The following COL4A5 variants were observed in gnomAD, a reference collection of about 807,000 sequenced individuals.
COL4A5 encodes the protein collagen alpha-5(IV) chain.
Under a neutral mutation model 130.2 loss-of-function variants are expected in COL4A5, and 26 were observed. The ratio of observed to expected loss-of-function variants is 0.20; its 90% CI spans 0.15 to 0.28. The LOEUF is 0.28. Among genes scored for constraint, COL4A5 ranks in the 10% least tolerant of loss-of-function variants. The pLI is 1.00. For missense variants in COL4A5, 1,131 were observed against 1,344.3 expected, an observed-to-expected ratio of 0.84 and a Z score of 2.48; for synonymous variants, 496 against 439.6, an observed-to-expected ratio of 1.13 and a Z score of -1.60.
At chrX:108,502,615 G>A (rs1029938439) in intron 1 of COL4A5, among the ~76,000 whole-genome samples, 2 of 111,807 alleles carry the variant, frequency 1.8e-5, no homozygotes, top group Admixed American at 9.5e-5. Flanking sequence ...TGTGTAGTCC[G>A]TTGCCTGAAA....
chrX:108,673,931 G>C (rs2068254769), intron 42 of COL4A5, among the ~76,000 whole-genome samples: 1 of 108,018 alleles, frequency 9.3e-6, no homozygotes, highest in Non-Finnish European at 1.9e-5. Context: ...AATCACAGCT[G>C]CTCGGGAGGC....
intron 27 of COL4A5, among the ~76,000 whole-genome samples, chrX:108,602,549 G>A (rs1396862417): frequency 1.8e-5 from 2 of 111,969 alleles, no homozygotes; most frequent in South Asian, 3.7e-4. Flanking sequence ...AAAAGTATCA[G>A]GTTTGATTTT....
At chrX:108,660,793 C>T (rs1218862395) in intron 37 of COL4A5, among the ~76,000 whole-genome samples, 1 of 111,257 alleles carries the variant, frequency 9.0e-6, no homozygotes, top group Non-Finnish European at 1.9e-5. Context: ...TGGAAAATCT[C>T]AGCTATCTTT....
chrX:108,543,429 A>G lies in COL4A5; in HGVS notation c.141+3624A>G, dbSNP rs915919041. Among the ~76,000 whole-genome samples the G allele has an allele frequency of 5.4e-5, 6 of 111,112 alleles. No individual in the cohort carries two copies. The East Asian group carries it at 1.1e-3, about 21-fold the overall frequency. ...GATCAGAAAGTTGTAGATGTGTGGTATTATTTCTGAGGGCTCTGCTGTGTT... is the reference window on the plus strand; with the variant it reads ...GATCAGAAAGTTGTAGATGTGTGGTGTTATTTCTGAGGGCTCTGCTGTGTT... On this transcript the variant is annotated intron_variant, in intron 2 of 52. Coordinates refer to ENST00000328300, the MANE Select transcript of COL4A5 (RefSeq NM_033380.3).
At chrX:108,643,907 G>A (rs1180880388) in intron 36 of COL4A5, among the ~76,000 whole-genome samples, 1 of 112,100 alleles carries the variant, frequency 8.9e-6, no homozygotes, top group African/African-American at 3.2e-5. Context: ...AACATTGAGT[G>A]TAAATGGCCT....
At chrX:108,498,530 T>C (rs1427997146) in intron 1 of COL4A5, among the ~76,000 whole-genome samples, 6 of 111,836 alleles carry the variant, frequency 5.4e-5, no homozygotes, top group Non-Finnish European at 9.4e-5. Context: ...TTTACAACAA[T>C]ATCTCTGATG....
At chrX:108,511,111 G>A (rs950621163) in intron 1 of COL4A5, among the ~76,000 whole-genome samples, 3 of 111,321 alleles carry the variant, frequency 2.7e-5, no homozygotes, top group Admixed American at 1.9e-4. Context: ...TTTTAATATT[G>A]TGTCACTACA....
intron 21 of COL4A5, among the ~76,000 whole-genome samples, chrX:108,592,123 T>G (rs771307363): frequency 4.5e-5 from 5 of 111,720 alleles, no homozygotes; most frequent in Non-Finnish European, 9.4e-5. Flanking sequence ...CCTCCCCTAT[T>G]CTTACCTTGC....
intron 29 of COL4A5, among the ~76,000 whole-genome samples, chrX:108,614,214 G>T (rs1055221097): frequency 5.4e-5 from 6 of 112,078 alleles, no homozygotes; most frequent in Non-Finnish European, 1.1e-4. Context: ...TTCTGGGAAA[G>T]AAAAATCTGT....
At chrX:108,502,256 ATAGTT>A (rs1314184011) in intron 1 of COL4A5, among the ~76,000 whole-genome samples, 1 of 105,064 alleles carries the variant, frequency 9.5e-6, no homozygotes, top group African/African-American at 3.9e-5. Context: ...CTGGAAGGTA[ATAGTT>A]TTGTTTTGTT....
chrX:108,606,975 C>T, intron 29 of COL4A5, 83 bp downstream of exon 29: 3 of 992,904 alleles, frequency 3.0e-6, no homozygotes, highest in Admixed American at 4.4e-5. Context: ...GGGTGATAAG[C>T]CCAATTAACT....
chrX:108,460,656 ATTTTTTTTTTTTT>A (rs751991149), intron 1 of COL4A5, among the ~76,000 whole-genome samples: 1 of 39,446 alleles, frequency 2.5e-5, no homozygotes, highest in Non-Finnish European at 4.5e-5. Context: ...CGCCTGGCAA[ATTTTTTTTTTTTT>A]TTTTTTTTTT....
intron 36 of COL4A5, among the ~76,000 whole-genome samples, chrX:108,650,653 T>G (rs2067706102): frequency 9.0e-6 from 1 of 111,089 alleles, no homozygotes; most frequent in Non-Finnish European, 1.9e-5. Flanking sequence ...TGGAGACTAT[T>G]ATTCTAAGTG....
chrX:108,476,441 T>C (rs1423806554), intron 1 of COL4A5, among the ~76,000 whole-genome samples: 1 of 109,635 alleles, frequency 9.1e-6, no homozygotes, highest in Non-Finnish European at 1.9e-5. Flanking sequence ...CTCTTAGTTA[T>C]TTTATATGTA....
chrX:108,670,834 G>T (rs2068188940), intron 42 of COL4A5: 1 of 238,552 alleles, frequency 4.2e-6, no homozygotes, highest in Non-Finnish European at 7.9e-6. Context: ...CTGAGATCAG[G>T]AGTTCAAGAC....
At chrX:108,607,570 A>C (rs1356359980) in intron 29 of COL4A5, among the ~76,000 whole-genome samples, 1 of 88,766 alleles carries the variant, frequency 1.1e-5, no homozygotes, top group Non-Finnish European at 2.1e-5. Flanking sequence ...TGCAACCTCC[A>C]CCTCCCAGGT....
At chrX:108,547,823 C>T (rs1044943783) in intron 2 of COL4A5, among the ~76,000 whole-genome samples, 8 of 111,904 alleles carry the variant, frequency 7.1e-5, no homozygotes, top group African/African-American at 2.6e-4. Flanking sequence ...CGCCCCTCCC[C>T]CAGCCTTGCT....
intron 1 of COL4A5, among the ~76,000 whole-genome samples, chrX:108,535,574 G>GT (rs778567203): frequency 9.3e-4 from 103 of 110,223 alleles, no homozygotes; most frequent in African/African-American, 2.9e-3. Context: ...TTTTTTAAGG[G>GT]TTTTTTTTCC....
intron 2 of COL4A5, among the ~76,000 whole-genome samples, chrX:108,546,228 A>T (rs1159337596): frequency 9.9e-5 from 11 of 111,620 alleles, no homozygotes; most frequent in Non-Finnish European, 1.9e-4. Context: ...ATTTGGCATG[A>T]TTTTGCAGTG....
Sources: gnomAD v4.1 joint callset for allele counts (sites outside exome capture counted in the v4.1 genomes callset) on GRCh38, gnomAD v4.1.1 for gene constraint, MANE v1.5 for transcripts, NCBI Gene and HGNC (gene_info 2026-07-23, HGNC 2026-07-21) for gene names.